Variants in LRRIQ1 observed in about 807,000 individuals in gnomAD.
LRRIQ1 encodes leucine rich repeats and IQ motif containing 1.
Under a neutral mutation model 211.9 loss-of-function variants are expected in LRRIQ1, and 210 were observed. The ratio of observed to expected loss-of-function variants is 0.99; its 90% CI spans 0.89 to 1.11. The LOEUF is 1.11. Ranked by LOEUF, LRRIQ1 falls within the 50% of genes most tolerant of loss-of-function variation. The pLI, the probability that LRRIQ1 is intolerant of heterozygous loss-of-function variation, is 0.00. For synonymous variants in LRRIQ1, 699 were observed against 650.1 expected (o/e 1.08, Z -1.14); for missense variants, 2,136 against 1,939.5 (o/e 1.10, Z -1.90).
At chr12:85,110,418 C>T (rs778617172) in intron 15 of LRRIQ1, among the ~76,000 whole-genome samples, 1 of 151,996 alleles carries the variant, frequency 6.6e-6, no homozygotes, top group Non-Finnish European at 1.5e-5. Context: ...ACCCAGCCTC[C>T]CATTTTATAG....
At chr12:85,067,411 T>C (rs185831434) in intron 10 of LRRIQ1, among the ~76,000 whole-genome samples, 44 of 152,070 alleles carry the variant, frequency 2.9e-4, no homozygotes, top group African/African-American at 1.1e-3. Flanking sequence ...TACATGTAAC[T>C]ATATTGACTT....
At chr12:85,257,250 C>G (rs1896146612) in intron 1 of LRRIQ1, among the ~76,000 whole-genome samples, 1 of 26,518 alleles carries the variant, frequency 3.8e-5, no homozygotes, top group Non-Finnish European at 9.0e-5. Context: ...CCATCCAGAT[C>G]CATAAAAAAA....
rs76162638 is a variant in LRRIQ1, at chr12:85,075,331, T to C, written c.2887+2233T>C. On this transcript the variant is annotated intron_variant, in intron 11 of 26. Coordinates refer to ENST00000393217, the MANE Select transcript of LRRIQ1 (RefSeq NM_001079910.2). ...GTATTAGGCCATTTATGCCTTCCTA[T>C]AAAGAAATACCCAAGACTAGGTAAA... is the stretch of plus-strand genomic sequence containing the variant. Among the ~76,000 whole-genome samples the C allele has an allele frequency of 2.8e-3, 431 of 152,008 alleles. 3 individuals carry two copies. The highest frequency in any genetic ancestry group is 9.3e-3 in the African/African-American group (385 of 41,476).
chr12:85,124,646 A>C (rs1442278287), intron 17 of LRRIQ1, 127 bp downstream of exon 17: 3 of 742,818 alleles, frequency 4.0e-6, no homozygotes, highest in Non-Finnish European at 6.5e-6. Context: ...TACCGATTCC[A>C]TTATGTTTTC....
chr12:85,166,245 G>A (rs574008126), intron 24 of LRRIQ1, among the ~76,000 whole-genome samples: 98 of 152,198 alleles, frequency 6.4e-4, no homozygotes, highest in Middle Eastern at 3.4e-3. Context: ...TTAGTCTGGC[G>A]CAACAACTTT....
At chr12:85,205,384 T>G (rs1893491988) in intron 24 of LRRIQ1, among the ~76,000 whole-genome samples, 1 of 152,186 alleles carries the variant, frequency 6.6e-6, no homozygotes, top group African/African-American at 2.4e-5. Flanking sequence ...GATATGACAT[T>G]CTTGGTTGGG....
At chr12:85,227,150 C>T (rs1164616619) in intron 24 of LRRIQ1, among the ~76,000 whole-genome samples, 1 of 151,962 alleles carries the variant, frequency 6.6e-6, no homozygotes, top group African/African-American at 2.4e-5. Flanking sequence ...AGTTTACAGT[C>T]CCACCAACAG....
intron 17 of LRRIQ1, among the ~76,000 whole-genome samples, chr12:85,125,717 C>G (rs1016364384): frequency 6.6e-6 from 1 of 152,048 alleles, no homozygotes; most frequent in African/African-American, 2.4e-5. Context: ...TCAAAAGTGG[C>G]TTTAATATTT....
intron 24 of LRRIQ1, among the ~76,000 whole-genome samples, chr12:85,166,009 A>G (rs1507208): frequency 0.017 from 2,538 of 152,196 alleles, 70 homozygotes; most frequent in African/African-American, 0.059. Context: ...TCTTTGAGAA[A>G]TCTCCCACAT....
chr12:85,106,553 A>C lies in LRRIQ1; in HGVS notation c.3315A>C (p.Ala1105=). 2 of 1,612,076 alleles carry C rather than the reference A, an allele frequency of 1.2e-6. No homozygotes were observed. The highest frequency in any genetic ancestry group is 1.7e-6 in the Non-Finnish European group (2 of 1,179,152). The change falls in exon 15 of 27, where the codon GCA becomes GCC. Residue 1105 remains alanine (A), a synonymous_variant. Coordinates refer to ENST00000393217, the MANE Select transcript of LRRIQ1 (RefSeq NM_001079910.2). Reference sequence around the variant, plus strand: ...AAAGTGCCATAAAATGGTTTGATGCATGCTATTCTCTCCATGAATTGTCTC... The same window carrying C: ...AAAGTGCCATAAAATGGTTTGATGCCTGCTATTCTCTCCATGAATTGTCTC... ...DLKSAIKWFD[A]CYSLHELSLT... is the part of the protein sequence containing the mutation.
intron 11 of LRRIQ1, among the ~76,000 whole-genome samples, chr12:85,074,494 TTAAC>T (rs1374609177): frequency 6.6e-6 from 1 of 151,964 alleles, no homozygotes; most frequent in Non-Finnish European, 1.5e-5. Flanking sequence ...TAAGTTATTA[TTAAC>T]TATCATGCTG....
At chr12:85,246,981 G>T (rs1046553276), downstream of LRRIQ1, among the ~76,000 whole-genome samples, 6 of 151,368 alleles carry the variant, frequency 4.0e-5, no homozygotes, top group African/African-American at 1.5e-4. Context: ...TAGAGTTGTT[G>T]TTGGGATCAA....
chr12:85,172,215 C>G (rs1891454424), intron 24 of LRRIQ1, among the ~76,000 whole-genome samples: 1 of 152,068 alleles, frequency 6.6e-6, no homozygotes, highest in African/African-American at 2.4e-5. Context: ...GTCCCTTGCC[C>G]CTTGTAAGAA....
At chr12:85,102,955 A>ATATATATATATAT (rs1555207722) in intron 13 of LRRIQ1, among the ~76,000 whole-genome samples, 34 of 119,378 alleles carry the variant, frequency 2.8e-4, no homozygotes, top group African/African-American at 1.1e-3. Context: ...AAAAAAAAAA[A>ATATATATATATAT]AAAAATATAT....
In LRRIQ1 at chr12:85,236,830, C is replaced by CATATATATATATATCTATATATATAT. The variant is rs1555228690; in HGVS notation, c.5016+4088_5016+4089insCTATATATATATATATATATATATAT. On this transcript the variant is annotated intron_variant, in intron 26 of 26. Transcript: ENST00000393217. Reference sequence around the variant, plus strand: ...CTGGATATATGTATGTGTATGTGTGCATATATATATATATATATATATATA... The same window carrying CATATATATATATATCTATATATATAT: ...CTGGATATATGTATGTGTATGTGTGCATATATATATATATCTATATATATATATATATATATATATATATATATATA... Among the ~76,000 whole-genome samples, 8 of 108,802 alleles carry CATATATATATATATCTATATATATAT rather than the reference C, an allele frequency of 7.4e-5. No individual in the cohort carries two copies. In the East Asian group the frequency reaches 1.3e-3, roughly 17 times the overall value. The allele number at this position is 108,802 out of a possible 152,430, so 71.4% of individuals were successfully genotyped here. A position where few individuals can be genotyped will look rare whatever the true frequency, so the allele number is the denominator to read the frequency against.
intron 17 of LRRIQ1, among the ~76,000 whole-genome samples, chr12:85,125,095 C>T (rs112260186): frequency 0.24 from 35,769 of 151,738 alleles, 4,806 homozygotes; most frequent in African/African-American, 0.34. Context: ...AGGAGAATGG[C>T]GTGAACCCGG....
At position 85,056,315 on chromosome 12, in the gene LRRIQ1, A is replaced by G. The variant is rs1881059423; in HGVS notation, c.1522A>G (p.Asn508Asp). 6.3e-7 allele frequency: 1 copy of G among 1,595,778 alleles called. No individual in the cohort carries two copies. Among genetic ancestry groups the G allele is most frequent in the African/African-American group, 1.4e-5 (1 of 73,650 alleles). ...AGAAAGAAAATATGAAAATACAGAT[A>G]ACAAAACTGAATTGGGAAACTCTGA... is the stretch of plus-strand genomic sequence containing the variant. ...KQERKYENTD[N>D]KTELGNSDLK... is the part of the protein sequence containing the mutation. The change falls in exon 8 of 27, where the codon AAC becomes GAC. Residue 508 changes from asparagine (N) to aspartate (D), a missense_variant. By Grantham distance (23) the Asn-to-Asp change is conservative. Transcript: ENST00000393217.
chr12:85,268,554 C>T (rs951548992), downstream of LRRIQ1, among the ~76,000 whole-genome samples: 9 of 151,812 alleles, frequency 5.9e-5, no homozygotes, highest in Admixed American at 1.3e-4. Context: ...ATTATGAGGA[C>T]ATTGTCCTAC....
intron 19 of LRRIQ1, among the ~76,000 whole-genome samples, chr12:85,141,816 A>G (rs1392871818): frequency 3.3e-5 from 5 of 150,866 alleles, no homozygotes; most frequent in South Asian, 2.1e-4. Flanking sequence ...TATTTGTTCT[A>G]TGTTGATTTT....
Sources: allele counts gnomAD v4.1 joint callset (sites outside exome capture counted in the v4.1 genomes callset), GRCh38; gene constraint gnomAD v4.1.1; transcripts MANE v1.5; gene names NCBI Gene and HGNC (gene_info 2026-07-23, HGNC 2026-07-21).